The following SLC7A14 variants were observed in gnomAD, a reference collection of about 807,000 sequenced individuals.
The protein encoded by SLC7A14 is gamma-aminobutyric acid transporter SLC7A14.
A neutral mutation model predicts 60.2 loss-of-function variants in SLC7A14; 37 were observed. That is an observed-to-expected ratio of 0.61 (90% confidence interval 0.47 to 0.81). The LOEUF (loss-of-function observed/expected upper bound fraction) is 0.81. Ranked by LOEUF, SLC7A14 falls within the 30% of genes least tolerant of loss-of-function variation. The pLI, the probability that SLC7A14 is intolerant of heterozygous loss-of-function variation, is 0.00. For missense variants in SLC7A14, 886 were observed against 982.7 expected, an observed-to-expected ratio of 0.90 and a Z score of 1.32; for synonymous variants, 399 against 395.8, an observed-to-expected ratio of 1.01 and a Z score of -0.10.
chr3:170,474,697 T>C (rs1403542562), intron 7 of SLC7A14, among the ~76,000 whole-genome samples: 2 of 152,302 alleles, frequency 1.3e-5, no homozygotes, highest in South Asian at 2.1e-4. Context: ...CAATTTCCAG[T>C]TGGATTTCAG....
chr3:170,558,552 C>A (rs73163893), intron 1 of SLC7A14, among the ~76,000 whole-genome samples: 18,371 of 152,134 alleles, frequency 0.12, 1,722 homozygotes, highest in African/African-American at 0.26. Flanking sequence ...CTCAAGTTCA[C>A]AATCCCCATT....
chr3:170,572,574 T>C (rs911727626), intron 1 of SLC7A14, among the ~76,000 whole-genome samples: 15 of 152,224 alleles, frequency 9.9e-5, no homozygotes, highest in African/African-American at 3.4e-4. Context: ...AGATTCTTAA[T>C]GTGCTGTAAT....
At chr3:170,512,396 G>A (rs539195457) in intron 2 of SLC7A14, among the ~76,000 whole-genome samples, 14 of 152,168 alleles carry the variant, frequency 9.2e-5, no homozygotes, top group African/African-American at 3.4e-4. Context: ...AGACATGAGA[G>A]ACCCTTCATG....
chr3:170,554,638 G>A (rs779308619), intron 1 of SLC7A14, among the ~76,000 whole-genome samples: 2 of 152,182 alleles, frequency 1.3e-5, no homozygotes, highest in Non-Finnish European at 2.9e-5. Flanking sequence ...ATTGGCCTCT[G>A]CTTTCAGTCC....
At chr3:170,480,159 C>G in intron 7 of SLC7A14, 130 bp downstream of exon 7, 2 of 885,938 alleles carry the variant, frequency 2.3e-6, no homozygotes, top group Non-Finnish European at 1.6e-6. Flanking sequence ...AGGCGGAACA[C>G]AAGGGTCCAT....
At chr3:170,555,212 T>C (rs2108307258) in intron 1 of SLC7A14, among the ~76,000 whole-genome samples, 1 of 151,540 alleles carries the variant, frequency 6.6e-6, no homozygotes, top group South Asian at 2.1e-4. Context: ...CTTGTTTAGC[T>C]AATTATGAAA....
At chr3:170,540,653 T>G (rs546965135) in intron 1 of SLC7A14, among the ~76,000 whole-genome samples, 1 of 152,312 alleles carries the variant, frequency 6.6e-6, no homozygotes, top group Admixed American at 6.5e-5. Flanking sequence ...AATTCTTCTC[T>G]GAGGCAGGTT....
chr3:170,512,707 A>G (rs1713021713), intron 2 of SLC7A14, among the ~76,000 whole-genome samples: 1 of 111,190 alleles, frequency 9.0e-6, no homozygotes. Flanking sequence ...TCTGTCGCCC[A>G]GGCTGGAGTG....
rs1184927414 is a variant in SLC7A14 at position 170,461,231 on chromosome 3, A to G, written c.*5824T>C. 1 of 152,190 alleles carries G rather than the reference A, an allele frequency of 6.6e-6. No individual in the cohort carries two copies. Among genetic ancestry groups the G allele is most frequent in the Non-Finnish European group, 1.5e-5 (1 of 68,076 alleles). 9.4% of individuals were successfully genotyped at this position (152,190 alleles called of 1,614,324 possible). The stretch of plus-strand genomic sequence containing the variant: ...GCCCGGCCCAGTTTAATGATTTTGT[A>G]CACTGTTTTAGTTGATACTGCAGAA... On this transcript the variant is annotated 3_prime_UTR_variant, in exon 8 of 8. Transcript: ENST00000231706.
intron 1 of SLC7A14, among the ~76,000 whole-genome samples, chr3:170,566,279 C>T (rs576819636): frequency 5.9e-5 from 9 of 152,176 alleles, no homozygotes; most frequent in Middle Eastern, 3.4e-3. Context: ...ACCCTTTTAC[C>T]GTAAGTGGAG....
chr3:170,519,072 A>G (rs1713256927), intron 2 of SLC7A14, among the ~76,000 whole-genome samples: 1 of 152,204 alleles, frequency 6.6e-6, no homozygotes, highest in Non-Finnish European at 1.5e-5. Flanking sequence ...AGGGGACAGC[A>G]GGTAGGAGGT....
intron 1 of SLC7A14, among the ~76,000 whole-genome samples, chr3:170,536,880 T>G (rs1428467776): frequency 6.6e-6 from 1 of 152,212 alleles, no homozygotes; most frequent in African/African-American, 2.4e-5. Flanking sequence ...TATTTGTATT[T>G]GAGATCATCC....
At chr3:170,559,422 T>C (rs1714577423) in intron 1 of SLC7A14, among the ~76,000 whole-genome samples, 1 of 152,206 alleles carries the variant, frequency 6.6e-6, no homozygotes, top group African/African-American at 2.4e-5. Flanking sequence ...AGAGAAAATT[T>C]ATTAAGTGGG....
At chr3:170,486,982 C>T (rs1712056022) in intron 4 of SLC7A14, among the ~76,000 whole-genome samples, 3 of 150,858 alleles carry the variant, frequency 2.0e-5, no homozygotes, top group Non-Finnish European at 4.4e-5. Context: ...GACAGATCAG[C>T]TCTATGGTAA....
In SLC7A14 at chr3:170,536,327, G is replaced by A. The variant is rs769411690; in HGVS notation, c.-152-9239C>T. The stretch of plus-strand genomic sequence containing the variant: ...AAGTAGATCATAAGCTGTTTGCAAT[G>A]CTTTGCTTGCCAAAGAAGAAGAGTG... On this transcript the variant is annotated intron_variant, in intron 1 of 7. Coordinates refer to ENST00000231706, the MANE Select transcript of SLC7A14 (RefSeq NM_020949.3). Among the ~76,000 whole-genome samples the A allele has an allele frequency of 6.6e-5, 10 of 152,356 alleles. No homozygotes were observed. The South Asian group carries it at 1.7e-3, about 25-fold the overall frequency.
chr3:170,471,532 A>C lies in SLC7A14; in HGVS notation c.1994-4155T>G, dbSNP rs375349495. 1.7e-4 allele frequency among the ~76,000 whole-genome samples: 26 copies of C among 152,346 alleles called. No homozygotes were observed. In the South Asian group the frequency reaches 3.9e-3, roughly 23 times the overall value. On this transcript the variant is annotated intron_variant, in intron 7 of 7. Coordinates refer to ENST00000231706, the MANE Select transcript of SLC7A14 (RefSeq NM_020949.3). ...AATAATAATTTCTTAATATTATCTG[A>C]TATCCAGCAGTATTAAAATTTATCT... is the stretch of plus-strand genomic sequence containing the variant.
intron 1 of SLC7A14, among the ~76,000 whole-genome samples, chr3:170,558,002 T>TG (rs745481035): frequency 3.0e-4 from 45 of 152,230 alleles, no homozygotes; most frequent in Non-Finnish European, 5.4e-4. Context: ...CACTACACGC[T>TG]GGGGGGCAAA....
chr3:170,466,786 G>GTGGT lies in SLC7A14; in HGVS notation c.*265_*268dup. On this transcript the variant is annotated 3_prime_UTR_variant, in exon 8 of 8. Coordinates refer to ENST00000231706, the MANE Select transcript of SLC7A14 (RefSeq NM_020949.3). ...GAAACATTTGGTACCATCAGCTCTG[G>GTGGT]TGGTTGCACCTAAGATGGAATTTCA... The GTGGT allele has an allele frequency of 2.7e-6, 1 of 370,088 alleles. No homozygotes were observed. Among genetic ancestry groups the GTGGT allele is most frequent in the Non-Finnish European group, 4.9e-6 (1 of 205,666 alleles). 22.9% of individuals were successfully genotyped at this position (370,088 alleles called of 1,614,324 possible).
rs1469499190 is a variant in SLC7A14 at position 170,480,543 on chromosome 3, CAGA to C, written c.1736_1738del (p.Phe579del). On this transcript the variant is annotated inframe_deletion, in exon 7 of 8. Coordinates refer to ENST00000231706, the MANE Select transcript of SLC7A14 (RefSeq NM_020949.3). ...GTCAGAACCAAAGATGATGAAGGAG[CAGA>C]AGATGAACATGAGGATGAAGAGCAG... The C allele has an allele frequency of 1.2e-6, 2 of 1,614,168 alleles. No individual in the cohort carries two copies. The highest frequency in any genetic ancestry group is 1.7e-6 in the Non-Finnish European group (2 of 1,180,032).
Sources: gnomAD v4.1 joint callset for allele counts (sites outside exome capture counted in the v4.1 genomes callset) on GRCh38, gnomAD v4.1.1 for gene constraint, MANE v1.5 for transcripts, NCBI Gene and HGNC (gene_info 2026-07-23, HGNC 2026-07-21) for gene names.